PSD3: variants seen among roughly 807,000 people sequenced by gnomAD.
The protein encoded by PSD3 is PH and SEC7 domain-containing protein 3.
A neutral mutation model predicts 105.5 loss-of-function variants in PSD3; 49 were observed. The observed-to-expected ratio is 0.46, with a 90% CI of 0.37 to 0.59. The LOEUF is 0.59. Ranked by LOEUF, PSD3 falls within the 20% of genes least tolerant of loss-of-function variation. The pLI is 0.00. For missense variants in PSD3, 1,561 were observed against 1,263.8 expected (o/e 1.24, Z -3.57); for synonymous variants, 557 against 457.8 (o/e 1.22, Z -2.77).
chr8:18,562,814 G>T (rs918909913), intron 14 of PSD3, among the ~76,000 whole-genome samples: 1 of 152,060 alleles, frequency 6.6e-6, no homozygotes, highest in Non-Finnish European at 1.5e-5. Flanking sequence ...GCTTGAACCT[G>T]GGAGGCGGAG....
chr8:18,612,025 T>C (rs1027210486), intron 11 of PSD3, among the ~76,000 whole-genome samples: 1 of 152,142 alleles, frequency 6.6e-6, no homozygotes, highest in Non-Finnish European at 1.5e-5. Flanking sequence ...TTAAATGAAC[T>C]CTTTTAAATT....
intron 1 of PSD3, among the ~76,000 whole-genome samples, chr8:19,071,074 A>AG (rs1829242292): frequency 6.7e-6 from 1 of 149,912 alleles, no homozygotes; most frequent in Admixed American, 6.7e-5. Flanking sequence ...GGAAGGGGGT[A>AG]GGGGGGTTGG....
intron 9 of PSD3, among the ~76,000 whole-genome samples, chr8:18,714,098 A>T (rs1802425244): frequency 6.6e-6 from 1 of 152,158 alleles, no homozygotes; most frequent in Non-Finnish European, 1.5e-5. Context: ...TTGAAACTGT[A>T]CCCCTTCCTT....
At chr8:18,592,659 G>C (rs1488662464) in intron 12 of PSD3, among the ~76,000 whole-genome samples, 3 of 152,192 alleles carry the variant, frequency 2.0e-5, no homozygotes, top group South Asian at 2.1e-4. Flanking sequence ...GGCCAGAAGT[G>C]ACTGTGATGA....
At chr8:18,951,879 G>T (rs1023714043) in intron 1 of PSD3, among the ~76,000 whole-genome samples, 1 of 152,016 alleles carries the variant, frequency 6.6e-6, no homozygotes, top group Non-Finnish European at 1.5e-5. Flanking sequence ...TGAGGCAGAA[G>T]AATCATTTGA....
At chr8:19,005,288 T>C (rs28876124) in intron 1 of PSD3, among the ~76,000 whole-genome samples, 19,496 of 151,970 alleles carry the variant, frequency 0.13, 1,481 homozygotes, top group African/African-American at 0.14. Flanking sequence ...TACTAACACA[T>C]GCTACTTCAT....
chr8:18,990,177 C>A (rs1295052848), intron 1 of PSD3, among the ~76,000 whole-genome samples: 2 of 152,232 alleles, frequency 1.3e-5, no homozygotes. Flanking sequence ...CTCTTCAATC[C>A]GTTCTTCACA....
chr8:18,767,998 C>T (rs573833473), intron 8 of PSD3, among the ~76,000 whole-genome samples: 34 of 150,434 alleles, frequency 2.3e-4, no homozygotes, highest in African/African-American at 3.9e-4. Context: ...AGGCCGGGCG[C>T]GGTGGCTCAC....
Position 18,528,816 on chromosome 8 carries a change from T to C in PSD3, c.*6927A>G, listed in dbSNP as rs193104871. On this transcript the variant is annotated 3_prime_UTR_variant, in exon 16 of 16. Coordinates refer to ENST00000327040, the MANE Select transcript of PSD3 (RefSeq NM_015310.4). ...TAACCAACATTTTCAGGAATTGAAG[T>C]TAGGGTGCTTATTTCTATAACACTA... 6.5e-6 allele frequency: 1 copy of C among 152,758 alleles called. No homozygotes were observed. The highest frequency in any genetic ancestry group is 2.4e-5 in the African/African-American group (1 of 41,580). 9.5% of individuals were successfully genotyped at this position (152,758 alleles called of 1,614,324 possible). A position where few individuals can be genotyped will look rare whatever the true frequency, so the allele number is the denominator to read the frequency against.
Position 18,534,589 on chromosome 8 carries a change from C to T in PSD3, c.*1154G>A, listed in dbSNP as rs998407260. On this transcript the variant is annotated 3_prime_UTR_variant, in exon 16 of 16. Coordinates refer to ENST00000327040, the MANE Select transcript of PSD3 (RefSeq NM_015310.4). ...AATAAACAAAGTCACTTTGCACCTG[C>T]AACCAGAAGATTCCTCAGTTTTCCA... 2 of 152,180 alleles carry T rather than the reference C, an allele frequency of 1.3e-5. No homozygotes were observed. The highest frequency in any genetic ancestry group is 4.8e-5 in the African/African-American group (2 of 41,440). 9.4% of individuals were successfully genotyped at this position (152,180 alleles called of 1,614,324 possible).
intron 9 of PSD3, among the ~76,000 whole-genome samples, chr8:18,761,533 T>A (rs1473066573): frequency 6.6e-6 from 1 of 152,192 alleles, no homozygotes; most frequent in Non-Finnish European, 1.5e-5. Context: ...CCCTGACTAT[T>A]AAGAGACAGA....
chr8:18,648,655 T>C (rs1398193430), intron 10 of PSD3, among the ~76,000 whole-genome samples: 1 of 152,194 alleles, frequency 6.6e-6, no homozygotes, highest in Non-Finnish European at 1.5e-5. Flanking sequence ...AGGCAAGTGC[T>C]GATAGCAAGA....
At chr8:18,865,282 A>T (rs377104855) in intron 4 of PSD3, 3,132 of 6,606 alleles carry the variant, frequency 0.47, 603 homozygotes, top group East Asian at 0.66. Context: ...ATATATATAT[A>T]TATATTTTTT....
chr8:19,048,215 G>T (rs548069009), intron 1 of PSD3, among the ~76,000 whole-genome samples: 1 of 152,250 alleles, frequency 6.6e-6, no homozygotes, highest in South Asian at 2.1e-4. Flanking sequence ...TAGGACAATG[G>T]AACTAACCTC....
intron 9 of PSD3, among the ~76,000 whole-genome samples, chr8:18,704,389 G>A (rs1424675636): frequency 6.6e-6 from 1 of 152,194 alleles, no homozygotes; most frequent in African/African-American, 2.4e-5. Context: ...ACAGGCTGGA[G>A]TGCAGTTGTG....
intron 4 of PSD3, among the ~76,000 whole-genome samples, chr8:18,823,046 A>G (rs1351245449): frequency 6.6e-6 from 1 of 151,938 alleles, no homozygotes; most frequent in East Asian, 1.9e-4. Flanking sequence ...TATAATAGAT[A>G]ATATTAATCT....
intron 1 of PSD3, among the ~76,000 whole-genome samples, chr8:18,950,012 T>C (rs1563454702): frequency 6.6e-6 from 1 of 152,206 alleles, no homozygotes; most frequent in Non-Finnish European, 1.5e-5. Flanking sequence ...TGCCTGACTT[T>C]CCACTGCGAA....
At chr8:18,558,718 G>C (rs1801223587) in intron 14 of PSD3, among the ~76,000 whole-genome samples, 1 of 152,158 alleles carries the variant, frequency 6.6e-6, no homozygotes, top group African/African-American at 2.4e-5. Context: ...TGACTCAGGA[G>C]GCTGAGGCAG....
intron 1 of PSD3, among the ~76,000 whole-genome samples, chr8:18,968,165 G>A (rs185006355): frequency 2.6e-3 from 393 of 152,212 alleles, no homozygotes; most frequent in African/African-American, 9.2e-3. Context: ...ACAAAACTGT[G>A]CACCACTTCA....
Sources: allele counts gnomAD v4.1 joint callset (sites outside exome capture counted in the v4.1 genomes callset), GRCh38; gene constraint gnomAD v4.1.1; transcripts MANE v1.5; gene names NCBI Gene and HGNC (gene_info 2026-07-23, HGNC 2026-07-21).